The following AGBL4 variants were observed in gnomAD, a reference collection of about 807,000 sequenced individuals.
AGBL4 encodes AGBL carboxypeptidase 4.
A neutral mutation model predicts 66.4 loss-of-function variants in AGBL4; 58 were observed. The observed-to-expected ratio is 0.87, with a 90% CI of 0.71 to 1.09. AGBL4 has a LOEUF of 1.09. Ranked by LOEUF, AGBL4 falls within the 50% of genes least tolerant of loss-of-function variation. The pLI is 0.00. For synonymous variants in AGBL4, 234 were observed against 222.9 expected, an observed-to-expected ratio of 1.05 and a Z score of -0.44; for missense variants, 579 against 631.0, an observed-to-expected ratio of 0.92 and a Z score of 0.88.
intron 1 of AGBL4, among the ~76,000 whole-genome samples, chr1:49,925,703 C>A (rs536449122): frequency 2.6e-5 from 4 of 152,300 alleles, no homozygotes; most frequent in African/African-American, 4.8e-5. Context: ...GGCTGAAGAG[C>A]CCTTGGATCT....
At chr1:48,683,572 CA>C (rs112997498) in intron 6 of AGBL4, among the ~76,000 whole-genome samples, 11,189 of 151,970 alleles carry the variant, frequency 0.074, 1,362 homozygotes, top group African/African-American at 0.25. Context: ...AAAGCGTGTT[CA>C]AAAAAAATCT....
chr1:48,613,514 C>G (rs746819155), intron 9 of AGBL4, among the ~76,000 whole-genome samples: 6 of 152,170 alleles, frequency 3.9e-5, no homozygotes, highest in Admixed American at 6.5e-5. Flanking sequence ...GCCTAAGAAT[C>G]TAAGAAGAGT....
At chr1:49,104,145 T>C (rs1645252301) in intron 4 of AGBL4, among the ~76,000 whole-genome samples, 1 of 152,172 alleles carries the variant, frequency 6.6e-6, no homozygotes, top group South Asian at 2.1e-4. Context: ...ACCTGCTAAA[T>C]AGTTCTTATT....
intron 3 of AGBL4, among the ~76,000 whole-genome samples, chr1:49,329,482 A>G (rs929984460): frequency 6.6e-6 from 1 of 152,072 alleles, no homozygotes; most frequent in East Asian, 1.9e-4. Context: ...CCTAGCCAAC[A>G]TGGCAAAACC....
chr1:49,072,936 C>T (rs1557617227), intron 4 of AGBL4, among the ~76,000 whole-genome samples: 1 of 152,082 alleles, frequency 6.6e-6, no homozygotes, highest in Non-Finnish European at 1.5e-5. Flanking sequence ...AGGCTTTGTT[C>T]ATTTCTTTTC....
chr1:49,372,994 AGTG>A (rs1644397958), intron 3 of AGBL4, among the ~76,000 whole-genome samples: 2 of 152,166 alleles, frequency 1.3e-5, no homozygotes, highest in East Asian at 3.9e-4. Context: ...CCGGGGCTCA[AGTG>A]ATCCTCCTGG....
At chr1:49,139,424 G>A (rs1050403332) in intron 4 of AGBL4, among the ~76,000 whole-genome samples, 1 of 152,044 alleles carries the variant, frequency 6.6e-6, no homozygotes, top group Non-Finnish European at 1.5e-5. Context: ...ATTTATGAGA[G>A]CTTGCTATGT....
intron 3 of AGBL4, among the ~76,000 whole-genome samples, chr1:49,503,750 T>C (rs146854550): frequency 6.1e-4 from 93 of 152,278 alleles, no homozygotes; most frequent in East Asian, 4.8e-3. Context: ...TTAGGCCAAT[T>C]TCTCTCATTT....
At chr1:49,319,603 G>A (rs1273683016) in intron 3 of AGBL4, among the ~76,000 whole-genome samples, 1 of 152,148 alleles carries the variant, frequency 6.6e-6, no homozygotes, top group Non-Finnish European at 1.5e-5. Flanking sequence ...AGTAGGATGT[G>A]ACTCCTCCCT....
intron 5 of AGBL4, among the ~76,000 whole-genome samples, chr1:48,968,812 C>T (rs1482369501): frequency 6.6e-6 from 1 of 152,088 alleles, no homozygotes; most frequent in East Asian, 1.9e-4. Flanking sequence ...TTCCTGATGG[C>T]ATTTTAAGAA....
chr1:49,270,866 G>A (rs1264414298), intron 3 of AGBL4, among the ~76,000 whole-genome samples: 5 of 152,078 alleles, frequency 3.3e-5, no homozygotes, highest in East Asian at 1.9e-4. Flanking sequence ...AACAATTGAC[G>A]AGAATATCAA....
At chr1:48,751,230 TG>T (rs1651688037) in intron 6 of AGBL4, among the ~76,000 whole-genome samples, 1 of 152,170 alleles carries the variant, frequency 6.6e-6, no homozygotes, top group South Asian at 2.1e-4. Context: ...GCTGAAACTA[TG>T]AAGACATGGT....
intron 6 of AGBL4, among the ~76,000 whole-genome samples, chr1:48,763,496 A>G (rs1007484611): frequency 1.7e-4 from 26 of 152,018 alleles, no homozygotes; most frequent in Non-Finnish European, 3.5e-4. Flanking sequence ...GTGTGTGTGA[A>G]AAAAACAGAC....
At chr1:48,548,334 C>T (rs1644197263) in intron 11 of AGBL4, among the ~76,000 whole-genome samples, 1 of 151,922 alleles carries the variant, frequency 6.6e-6, no homozygotes, top group African/African-American at 2.4e-5. Context: ...TGCTGGCCAG[C>T]ACCAAAGCGG....
At chr1:49,288,919 A>T (rs756948622) in intron 3 of AGBL4, among the ~76,000 whole-genome samples, 6 of 152,158 alleles carry the variant, frequency 3.9e-5, no homozygotes, top group Admixed American at 3.9e-4. Context: ...AATAATATAC[A>T]TAAAAGCCTC....
chr1:49,462,488 C>G (rs750524740), intron 3 of AGBL4, among the ~76,000 whole-genome samples: 1 of 151,546 alleles, frequency 6.6e-6, no homozygotes, highest in African/African-American at 2.4e-5. Flanking sequence ...GTTGGTGTAT[C>G]CTTAGAAAAA....
chr1:49,555,678 A>G (rs1653380428), intron 3 of AGBL4, among the ~76,000 whole-genome samples: 2 of 150,770 alleles, frequency 1.3e-5, no homozygotes, highest in Admixed American at 6.6e-5. Context: ...ACTCAAACAA[A>G]TTTACAAGAA....
rs902657764 is a variant in AGBL4 at position 49,390,127 on chromosome 1, G to C, written c.283-144263C>G. Among the ~76,000 whole-genome samples, 4 of 152,286 alleles carry C rather than the reference G, an allele frequency of 2.6e-5. No individual in the cohort carries two copies. The East Asian group carries it at 7.7e-4, about 29-fold the overall frequency. ...AAATAATGATTACACAGATGGAAGT[G>C]GTCAAAGTCACAGAGCCGTGACTAT... On this transcript the variant is annotated intron_variant, in intron 3 of 13. Transcript: ENST00000371839.
At chr1:49,482,570 T>A (rs959072586) in intron 3 of AGBL4, among the ~76,000 whole-genome samples, 11 of 145,234 alleles carry the variant, frequency 7.6e-5, no homozygotes, top group African/African-American at 2.0e-4. Flanking sequence ...ATTTTTTTTT[T>A]AAACCATTTC....
Sources: gnomAD v4.1 joint callset for allele counts (sites outside exome capture counted in the v4.1 genomes callset) on GRCh38, gnomAD v4.1.1 for gene constraint, MANE v1.5 for transcripts, NCBI Gene and HGNC (gene_info 2026-07-23, HGNC 2026-07-21) for gene names.